ARHGAP12: variants seen among roughly 807,000 people sequenced by gnomAD.
The protein encoded by ARHGAP12 is rho GTPase-activating protein 12.
ARHGAP12 carries 64 observed loss-of-function variants against 108.6 expected under a neutral mutation model. The ratio of observed to expected loss-of-function variants is 0.59; its 90% CI spans 0.48 to 0.73. The LOEUF (loss-of-function observed/expected upper bound fraction) is 0.73, where lower values mean the gene tolerates loss of function less well. Ranked by LOEUF, ARHGAP12 falls within the 30% of genes least tolerant of loss-of-function variation. The pLI, the probability that ARHGAP12 is intolerant of heterozygous loss-of-function variation, is 0.00. For missense variants in ARHGAP12, 940 were observed against 1,005.9 expected (o/e 0.93, Z 0.89); for synonymous variants, 312 against 337.2 (o/e 0.93, Z 0.82).
chr10:31,860,875 G>A (rs910524498), intron 4 of ARHGAP12, among the ~76,000 whole-genome samples: 2 of 152,028 alleles, frequency 1.3e-5, no homozygotes, highest in Non-Finnish European at 1.5e-5. Context: ...GAAGTCAGGC[G>A]GCAAGACCCC....
At chr10:31,823,672 G>T (rs982193874) in intron 11 of ARHGAP12, among the ~76,000 whole-genome samples, 5 of 152,098 alleles carry the variant, frequency 3.3e-5, no homozygotes, top group African/African-American at 1.2e-4. Context: ...GAACTATATA[G>T]ATTTCTCCTA....
At chr10:31,912,794 A>T (rs1349415282) in intron 1 of ARHGAP12, among the ~76,000 whole-genome samples, 1 of 152,212 alleles carries the variant, frequency 6.6e-6, no homozygotes, top group Non-Finnish European at 1.5e-5. Flanking sequence ...AACTATTAAA[A>T]TTATAAACAT....
At chr10:31,859,836 C>A (rs1397904694) in intron 4 of ARHGAP12, among the ~76,000 whole-genome samples, 1 of 151,218 alleles carries the variant, frequency 6.6e-6, no homozygotes, top group African/African-American at 2.4e-5. Flanking sequence ...ACTCTGTTGC[C>A]CAGACTGGAG....
At chr10:31,928,394 G>C (rs1051680516) in intron 1 of ARHGAP12, among the ~76,000 whole-genome samples, 3 of 151,806 alleles carry the variant, frequency 2.0e-5, no homozygotes, top group Non-Finnish European at 4.4e-5. Flanking sequence ...AGGGGGCAGA[G>C]AAGCCACAAC....
At chr10:31,839,223 T>G (rs1836153586) in intron 9 of ARHGAP12, 82 bp downstream of exon 9, 1 of 1,391,664 alleles carries the variant, frequency 7.2e-7, no homozygotes, top group African/African-American at 1.5e-5. Context: ...AATATTCATC[T>G]GGCACAGACT....
chr10:31,921,593 G>A (rs1041411834), intron 1 of ARHGAP12, among the ~76,000 whole-genome samples: 3 of 151,226 alleles, frequency 2.0e-5, no homozygotes, highest in East Asian at 2.0e-4. Context: ...GTGAAACCCC[G>A]TCTCTACCAA....
chr10:31,899,995 A>T (rs1487585381), intron 3 of ARHGAP12, among the ~76,000 whole-genome samples: 1 of 152,210 alleles, frequency 6.6e-6, no homozygotes, highest in Non-Finnish European at 1.5e-5. Context: ...TACATTCAAG[A>T]TATACAAGGA....
At chr10:31,911,370 C>T (rs990622763) in intron 1 of ARHGAP12, among the ~76,000 whole-genome samples, 3 of 152,202 alleles carry the variant, frequency 2.0e-5, no homozygotes, top group African/African-American at 7.2e-5. Context: ...GGCTGGAGTG[C>T]AGCTGTACAA....
Position 31,908,868 on chromosome 10 carries a change from A to G in ARHGAP12, c.-13T>C. On this transcript the variant is annotated 5_prime_UTR_variant, in exon 3 of 20. It removes the in-frame stop codon of an upstream open reading frame in the 5' UTR. Coordinates refer to ENST00000344936, the MANE Select transcript of ARHGAP12 (RefSeq NM_018287.7). Reference sequence around the variant, plus strand: ...CAGCCATTTTCATTCAATAATATTCACCTCTCAAAAAGGATGTTATACCAC... The same window carrying G: ...CAGCCATTTTCATTCAATAATATTCGCCTCTCAAAAAGGATGTTATACCAC... The G allele has an allele frequency of 6.4e-7, 1 of 1,564,194 alleles. No individual in the cohort carries two copies. Among genetic ancestry groups the G allele is most frequent in the Non-Finnish European group, 8.6e-7 (1 of 1,161,194 alleles).
chr10:31,810,520 A>T, intron 16 of ARHGAP12, 129 bp downstream of exon 16: 1 of 587,096 alleles, frequency 1.7e-6, no homozygotes, highest in South Asian at 2.5e-5. Flanking sequence ...TTATTTTCTT[A>T]ACATCTTAGG....
intron 9 of ARHGAP12, among the ~76,000 whole-genome samples, chr10:31,833,168 C>T (rs539016502): frequency 6.6e-6 from 1 of 151,782 alleles, no homozygotes; most frequent in African/African-American, 2.4e-5. Flanking sequence ...CCGCCTGCAC[C>T]CCTCAAAAGC....
chr10:31,886,833 T>C (rs1838206941), intron 3 of ARHGAP12, among the ~76,000 whole-genome samples: 2 of 152,190 alleles, frequency 1.3e-5, no homozygotes, highest in Non-Finnish European at 2.9e-5. Context: ...GTGCTTAACC[T>C]AGCTACCAGA....
In ARHGAP12 at chr10:31,874,973, CAAAAAAAAAAA is replaced by C. The variant is rs59050160; in HGVS notation, c.685-13326_685-13316del. Among the ~76,000 whole-genome samples the C allele has an allele frequency of 2.1e-3, 125 of 58,346 alleles. 2 individuals carry two copies. Among genetic ancestry groups the C allele is most frequent in the South Asian group, 0.014 (14 of 1,026 alleles). 38.3% of individuals were successfully genotyped at this position (58,346 alleles called of 152,430 possible). On this transcript the variant is annotated intron_variant, in intron 3 of 19. Transcript: ENST00000344936. ...TGGGTGACAACGCAAGACTCTGTCT[CAAAAAAAAAAA>C]AAAAAAAAAAAAAAAAAATTTTCAC...
chr10:31,909,019 T>C, intron 2 of ARHGAP12, 93 bp from the exon 3 acceptor site: 1 of 643,768 alleles, frequency 1.6e-6, no homozygotes, highest in African/African-American at 1.8e-5. Context: ...GTATAGGCCA[T>C]TTAAAGAACA....
chr10:31,857,412 A>G (rs1325864601), intron 4 of ARHGAP12, among the ~76,000 whole-genome samples: 1 of 152,230 alleles, frequency 6.6e-6, no homozygotes, highest in Non-Finnish European at 1.5e-5. Flanking sequence ...CTGGATCTTG[A>G]AATACTGAAA....
At chr10:31,883,230 G>A (rs932857012) in intron 3 of ARHGAP12, among the ~76,000 whole-genome samples, 4 of 152,006 alleles carry the variant, frequency 2.6e-5, no homozygotes, top group African/African-American at 9.7e-5. Flanking sequence ...GGGAGGCGGA[G>A]GTTGTGGTGA....
At chr10:31,891,700 C>T (rs1052482303) in intron 3 of ARHGAP12, among the ~76,000 whole-genome samples, 1 of 152,158 alleles carries the variant, frequency 6.6e-6, no homozygotes, top group African/African-American at 2.4e-5. Context: ...CCATTCTCCC[C>T]GTCACTTTCA....
chr10:31,837,353 C>T (rs866271333), intron 9 of ARHGAP12, among the ~76,000 whole-genome samples: 8 of 152,308 alleles, frequency 5.3e-5, no homozygotes, highest in Middle Eastern at 3.4e-3. Flanking sequence ...TTTATGTACC[C>T]AGTACTGTGC....
intron 1 of ARHGAP12, among the ~76,000 whole-genome samples, chr10:31,918,196 ATT>A (rs1341301729): frequency 6.6e-6 from 1 of 152,024 alleles, no homozygotes; most frequent in Non-Finnish European, 1.5e-5. Flanking sequence ...GACTCACAAC[ATT>A]TTTGACTTAT....
Sources: allele counts gnomAD v4.1 joint callset (sites outside exome capture counted in the v4.1 genomes callset), GRCh38; gene constraint gnomAD v4.1.1; transcripts MANE v1.5; gene names NCBI Gene and HGNC (gene_info 2026-07-23, HGNC 2026-07-21).